TTC39A: variants seen among roughly 807,000 people sequenced by gnomAD.
The protein encoded by TTC39A is tetratricopeptide repeat domain 39A, also known as tetratricopeptide repeat protein 39A.
A neutral mutation model predicts 82.3 loss-of-function variants in TTC39A; 46 were observed. The observed-to-expected ratio is 0.56, with a 90% CI of 0.44 to 0.71. TTC39A has a LOEUF of 0.71. TTC39A is among the 30% of genes least tolerant of loss of function. The pLI is 0.00. For synonymous variants in TTC39A, 254 were observed against 275.2 expected, an observed-to-expected ratio of 0.92 and a Z score of 0.76; for missense variants, 543 against 712.9, an observed-to-expected ratio of 0.76 and a Z score of 2.71.
Position 51,321,815 on chromosome 1 carries a change from T to C in TTC39A, c.52A>G (p.Ser18Gly). Residue 18 changes from serine to glycine, a missense_variant, in exon 2 of 18, where the codon AGC becomes GGC. Transcript: ENST00000680483. The surrounding 1 kb of genome is among the most constrained non-coding windows in gnomAD (Gnocchi z 4.6). ...TGGTCCAGGGCCTCATGGAGGCTGC[T>C]CTCAGGAGTCCTGGGGGAAGAGATG... ...PGALPAGTPE[S>G]SLHEALDQCM... 11 of 1,613,470 alleles carry C rather than the reference T, an allele frequency of 6.8e-6. No individual in the cohort carries two copies. Among genetic ancestry groups the C allele is most frequent in the Non-Finnish European group, 9.3e-6 (11 of 1,179,720 alleles).
intron 15 of TTC39A, 142 bp downstream of exon 15, chr1:51,290,372 G>T: frequency 2.4e-6 from 2 of 819,094 alleles, no homozygotes; most frequent in Non-Finnish European, 3.8e-6. Context: ...ACAAGGAACA[G>T]CTGCTTGGAG....
chr1:51,323,134 CCACTCCTCTACCCAATAAGCAA>C (rs1445190193), intron 1 of TTC39A, among the ~76,000 whole-genome samples: 1 of 151,780 alleles, frequency 6.6e-6, no homozygotes, highest in Non-Finnish European at 1.5e-5. Context: ...CCATGCTTGT[CCACTCCTCTACCCAATAAGCAA>C]CACTCCTCTA....
At chr1:51,323,491 G>C (rs1409654851) in intron 1 of TTC39A, among the ~76,000 whole-genome samples, 1 of 151,902 alleles carries the variant, frequency 6.6e-6, no homozygotes, top group Non-Finnish European at 1.5e-5. Flanking sequence ...AGGTCTGTTG[G>C]AACACTCTCC....
In TTC39A at chr1:51,288,292, C is replaced by G; in HGVS notation, c.1611-12G>C. The G allele has an allele frequency of 6.2e-7, 1 of 1,613,822 alleles. No individual in the cohort carries two copies. Among genetic ancestry groups the G allele is most frequent in the Non-Finnish European group, 8.5e-7 (1 of 1,179,814 alleles). The stretch of plus-strand genomic sequence containing the variant: ...TCTTGTAGTTTTGCCTGGAATTGAG[C>G]AGCGAATCAGACACATGAGGCTGCC... On this transcript the variant is annotated splice_polypyrimidine_tract_variant and intron_variant, in intron 17 of 17. Transcript: ENST00000680483. This position sits in a 1 kb window ranked among gnomAD's most constrained non-coding sequence, Gnocchi z 4.8.
At chr1:51,343,448 C>G (rs1286642556) in intron 1 of TTC39A, among the ~76,000 whole-genome samples, 1 of 152,246 alleles carries the variant, frequency 6.6e-6, no homozygotes, top group Non-Finnish European at 1.5e-5. Context: ...TTCCATCACT[C>G]TCCCTCCTTT....
Position 51,330,049 on chromosome 1 carries a change from A to G in TTC39A, c.41+388T>C. 2 of 797,982 alleles carry G rather than the reference A, an allele frequency of 2.5e-6. No homozygotes were observed. Among genetic ancestry groups the G allele is most frequent in the South Asian group, 1.1e-4 (2 of 17,528 alleles). The allele number at this position is 797,982 out of a possible 1,614,324, so 49.4% of individuals were successfully genotyped here. On this transcript the variant is annotated intron_variant, in intron 1 of 17. Transcript: ENST00000680483. The surrounding 1 kb of genome is among the most constrained non-coding windows in gnomAD (Gnocchi z 4.5). The stretch of plus-strand genomic sequence containing the variant: ...ACCCGCAACTCTTACCTCCTGGGTG[A>G]CCGATGACAAGTCACTTAAGTGCTG...
chr1:51,310,452 T>G (rs995911215), intron 5 of TTC39A, among the ~76,000 whole-genome samples: 3 of 152,098 alleles, frequency 2.0e-5, no homozygotes, highest in Non-Finnish European at 4.4e-5. Context: ...GTGCAATCAT[T>G]ACAGTGAATC....
chr1:51,307,411 G>A (rs1473923762), intron 6 of TTC39A, among the ~76,000 whole-genome samples: 1 of 152,144 alleles, frequency 6.6e-6, no homozygotes. Flanking sequence ...ATCCCTGCAG[G>A]GAAGCAGCCA....
upstream of TTC39A, among the ~76,000 whole-genome samples, chr1:51,333,963 A>C (rs891479098): frequency 6.6e-6 from 1 of 152,168 alleles, no homozygotes; most frequent in Non-Finnish European, 1.5e-5. Flanking sequence ...AACATGGATT[A>C]TCTTATTTAA....
Position 51,330,311 on chromosome 1 carries a change from G to A in TTC39A, c.41+126C>T. On this transcript the variant is annotated intron_variant, in intron 1 of 17. Transcript: ENST00000680483. The surrounding 1 kb of genome is among the most constrained non-coding windows in gnomAD (Gnocchi z 4.5). ...GCGGCTGCCAGGGGCCGGGCGGGGT[G>A]GGGGCTGGAAGCCGCAGTGCGGCCC... 2 of 921,618 alleles carry A rather than the reference G, an allele frequency of 2.2e-6. No homozygotes were observed. The highest frequency in any genetic ancestry group is 2.6e-6 in the Non-Finnish European group (2 of 772,672). The allele number at this position is 921,618 out of a possible 1,614,324, so 57.1% of individuals were successfully genotyped here.
intron 8 of TTC39A, 124 bp downstream of exon 8, chr1:51,304,957 T>C (rs1644814794): frequency 2.0e-6 from 2 of 1,005,144 alleles, no homozygotes; most frequent in African/African-American, 3.2e-5. Flanking sequence ...TCCAGGGCCA[T>C]ACAATGAGAG....
intron 2 of TTC39A, among the ~76,000 whole-genome samples, chr1:51,316,733 A>G (rs1443781129): frequency 6.6e-6 from 1 of 152,212 alleles, no homozygotes; most frequent in East Asian, 1.9e-4. Context: ...AGAAAACTAC[A>G]GAACACTCAA....
At position 51,324,217 on chromosome 1, in the gene TTC39A, CT is replaced by C. The variant is rs1255338145; in HGVS notation, c.42-2393del. Among the ~76,000 whole-genome samples, 8 of 152,154 alleles carry C rather than the reference CT, an allele frequency of 5.3e-5. No individual in the cohort carries two copies. In the South Asian group the frequency reaches 1.7e-3, roughly 32 times the overall value. ...TCTAACTTTGCTGGTGGGGGCGGAC[CT>C]TTTTTCTAGCCAATCTTCCTATTCA... On this transcript the variant is annotated intron_variant, in intron 1 of 17. Coordinates refer to ENST00000680483, the MANE Select transcript of TTC39A (RefSeq NM_001297663.2).
chr1:51,296,466 G>T (rs1438654249), intron 12 of TTC39A, among the ~76,000 whole-genome samples: 1 of 152,240 alleles, frequency 6.6e-6, no homozygotes, highest in East Asian at 1.9e-4. Context: ...GGGCGCACTC[G>T]GGGCTTCCGG....
intron 6 of TTC39A, among the ~76,000 whole-genome samples, chr1:51,308,583 G>A (rs867462516): frequency 2.6e-5 from 4 of 152,202 alleles, no homozygotes; most frequent in South Asian, 2.1e-4. Flanking sequence ...GCAAAACTTG[G>A]TGAGTGGGGG....
chr1:51,327,940 A>G (rs958925724), intron 1 of TTC39A, among the ~76,000 whole-genome samples: 43 of 152,248 alleles, frequency 2.8e-4, no homozygotes, highest in African/African-American at 1.0e-3. Context: ...CAAGTCATCC[A>G]CCTGCCTGGG....
upstream of TTC39A, among the ~76,000 whole-genome samples, chr1:51,333,713 ATG>A (rs1645940183): frequency 6.6e-6 from 1 of 152,090 alleles, no homozygotes; most frequent in African/African-American, 2.4e-5. Flanking sequence ...TGTGTGTGGT[ATG>A]TGTGTTTGGG....
In TTC39A at chr1:51,340,248, C is replaced by G. The variant is rs1010490106; in HGVS notation, c.53+4743G>C. On this transcript the variant is annotated intron_variant, in intron 1 of 5. Coordinates refer to the TTC39A transcript ENST00000401051. ...CTAGCAAAGTGCCTCAGCGACCATT[C>G]CCCCACCAGGCCAGGGTGGTGGTGG... Among the ~76,000 whole-genome samples, 8 of 152,292 alleles carry G rather than the reference C, an allele frequency of 5.3e-5. 1 individual carries two copies. In the South Asian group the frequency reaches 1.2e-3, roughly 24 times the overall value.
Position 51,312,110 on chromosome 1 carries a change from A to C in TTC39A, c.355+9T>G. ...TAGCATGGTTGAAAGGATGTCCTGG[A>C]TGCCACACCTTCAGTGAATTGGCCC... is the stretch of plus-strand genomic sequence containing the variant. On this transcript the variant is annotated intron_variant, in intron 4 of 17. Coordinates refer to ENST00000680483, the MANE Select transcript of TTC39A (RefSeq NM_001297663.2). 1 of 1,609,756 alleles carries C rather than the reference A, an allele frequency of 6.2e-7. No individual in the cohort carries two copies. Among genetic ancestry groups the C allele is most frequent in the Non-Finnish European group, 8.5e-7 (1 of 1,178,234 alleles).
Sources: allele counts gnomAD v4.1 joint callset (sites outside exome capture counted in the v4.1 genomes callset), GRCh38; gene constraint gnomAD v4.1.1; non-coding constraint Gnocchi (gnomAD v3.1); transcripts MANE v1.5; gene names NCBI Gene and HGNC (gene_info 2026-07-23, HGNC 2026-07-21).